Variants in DENND2A observed in about 807,000 individuals in gnomAD.
DENND2A encodes the protein DENN domain containing 2A, also known as DENN domain-containing protein 2A.
In DENND2A, 53 loss-of-function variants were observed where a neutral mutation model predicts 105.3. That is an observed-to-expected ratio of 0.50 (90% CI 0.40 to 0.63). The LOEUF is 0.63. Among genes scored for constraint, DENND2A ranks in the 30% least tolerant of loss-of-function variants. The pLI, the probability that DENND2A is intolerant of heterozygous loss-of-function variation, is 0.00. For missense variants in DENND2A, 1,138 were observed against 1,279.6 expected, an observed-to-expected ratio of 0.89 and a Z score of 1.69; for synonymous variants, 522 against 508.4, an observed-to-expected ratio of 1.03 and a Z score of -0.36.
intron 12 of DENND2A, among the ~76,000 whole-genome samples, chr7:140,550,296 G>A (rs1400452984): frequency 1.3e-5 from 2 of 152,076 alleles, no homozygotes; most frequent in African/African-American, 2.4e-5. Flanking sequence ...AGGTTCAAAC[G>A]ATTCTCCTGC....
chr7:140,612,712 G>A (rs930088872), intron 1 of DENND2A, among the ~76,000 whole-genome samples: 1 of 152,056 alleles, frequency 6.6e-6, no homozygotes, highest in Non-Finnish European at 1.5e-5. Flanking sequence ...ATATTGGCCA[G>A]GCTGGTCTCG....
rs748373537 is a variant in DENND2A, at chr7:140,523,406, T to A, written c.2566A>T (p.Ile856Phe). The A allele has an allele frequency of 6.2e-7, 1 of 1,614,138 alleles. No homozygotes were observed. Among genetic ancestry groups the A allele is most frequent in the Non-Finnish European group, 8.5e-7 (1 of 1,180,010 alleles). The change falls in exon 17 of 20, where the codon ATC becomes TTC. Residue 856 changes from isoleucine to phenylalanine, a missense_variant. By Grantham distance (21) the Ile-to-Phe change is conservative. This residue lies in a region of DENND2A where 627 missense variants were observed against 779.8 expected (regional missense o/e 0.80). Coordinates refer to ENST00000496613, the MANE Select transcript of DENND2A (RefSeq NM_015689.5). This position sits in a 1 kb window ranked among gnomAD's most constrained non-coding sequence, Gnocchi z 4.5. ...FLRQMDDEDS[I>F]LPRKLQVALE... ...GCCACCTGAAGCTTCCGGGGCAGGA[T>A]GGAGTCCTCATCGTCCATCTGGAAA...
chr7:140,568,469 A>G (rs990999275), intron 8 of DENND2A, among the ~76,000 whole-genome samples: 1 of 152,224 alleles, frequency 6.6e-6, no homozygotes, highest in Non-Finnish European at 1.5e-5. Flanking sequence ...TTAGGGCTGC[A>G]GTGTCAAGCC....
intron 9 of DENND2A, among the ~76,000 whole-genome samples, chr7:140,565,059 A>G (rs982966159): frequency 6.6e-6 from 1 of 152,200 alleles, no homozygotes; most frequent in African/African-American, 2.4e-5. Flanking sequence ...TTCAATCTAC[A>G]TAATTGCTAT....
At position 140,639,228 on chromosome 7, in the gene DENND2A, T is replaced by C. The variant is rs185763315; in HGVS notation, c.-248+1276A>G. 6.4e-3 allele frequency among the ~76,000 whole-genome samples: 979 copies of C among 152,034 alleles called. 9 individuals are homozygous for C. The highest frequency in any genetic ancestry group is 0.022 in the African/African-American group (904 of 41,454). On this transcript the variant is annotated intron_variant, in intron 1 of 19. Transcript: ENST00000496613. The stretch of plus-strand genomic sequence containing the variant: ...TTAGCTGGGTGTGGTGGTGGGCGCC[T>C]GTAATCCCAGCTACTCGGGAAGCTG...
chr7:140,553,575 A>C (rs1158269127), intron 12 of DENND2A, among the ~76,000 whole-genome samples: 1 of 152,160 alleles, frequency 6.6e-6, no homozygotes, highest in Non-Finnish European at 1.5e-5. Flanking sequence ...CCAGGAGGCC[A>C]TATTTCAGAC....
intron 3 of DENND2A, among the ~76,000 whole-genome samples, chr7:140,588,981 G>A (rs1433629769): frequency 6.6e-6 from 1 of 152,076 alleles, no homozygotes; most frequent in Non-Finnish European, 1.5e-5. Context: ...GACCCCAGGT[G>A]ATCTGCCTGC....
chr7:140,595,874 C>T (rs1033142971), intron 3 of DENND2A, among the ~76,000 whole-genome samples: 3 of 152,262 alleles, frequency 2.0e-5, no homozygotes, highest in South Asian at 2.1e-4. Flanking sequence ...CCTCCTCCTC[C>T]AGCTGCCAGA....
intron 14 of DENND2A, among the ~76,000 whole-genome samples, chr7:140,528,855 A>G (rs967174415): frequency 6.6e-6 from 1 of 151,992 alleles, no homozygotes; most frequent in African/African-American, 2.4e-5. Context: ...ACAGTGACTG[A>G]TGCCTGTAAT....
At chr7:140,541,536 C>G (rs79124773) in intron 14 of DENND2A, among the ~76,000 whole-genome samples, 5,001 of 152,192 alleles carry the variant, frequency 0.033, 255 homozygotes, top group African/African-American at 0.11. Flanking sequence ...CCACCTCTAG[C>G]GGATGGAGGG....
At chr7:140,612,615 C>T (rs185213725) in intron 1 of DENND2A, among the ~76,000 whole-genome samples, 1 of 152,074 alleles carries the variant, frequency 6.6e-6, no homozygotes, top group Admixed American at 6.5e-5. Context: ...GATTCTCCTG[C>T]CTCAGCCTCC....
chr7:140,602,222 A>C lies in DENND2A; in HGVS notation c.176T>G (p.Val59Gly). ...TCTCCTGCTGGGTGCAGGAGTGGGCACCTCTTTCTTCCCTTCCCATTCTGA... is the reference window on the plus strand; with the variant it reads ...TCTCCTGCTGGGTGCAGGAGTGGGCCCCTCTTTCTTCCCTTCCCATTCTGA... ...KISEWEGKKE[V>G]PTPAPSRRAD... The change falls in exon 3 of 20, where the codon GTG (valine) becomes GGG (glycine). Residue 59 changes from valine (V) to glycine (G), a missense_variant. By Grantham distance (109) the Val-to-Gly change is moderately radical. This residue lies in a region of DENND2A where 511 missense variants were observed against 499.9 expected (regional missense o/e 1.02). Transcript: ENST00000496613. 3 of 1,613,824 alleles carry C rather than the reference A, an allele frequency of 1.9e-6. No homozygotes were observed. Among genetic ancestry groups the C allele is most frequent in the Non-Finnish European group, 2.5e-6 (3 of 1,179,956 alleles).
intron 5 of DENND2A, among the ~76,000 whole-genome samples, chr7:140,576,777 G>A (rs920476342): frequency 6.6e-6 from 1 of 152,144 alleles, no homozygotes; most frequent in African/African-American, 2.4e-5. Flanking sequence ...ACCTGGATTG[G>A]GCACCATAAG....
At chr7:140,570,155 A>G (rs1345156704) in intron 6 of DENND2A, among the ~76,000 whole-genome samples, 1 of 152,270 alleles carries the variant, frequency 6.6e-6, no homozygotes, top group African/African-American at 2.4e-5. Context: ...TTGGCCTCCC[A>G]AAATGCTGGG....
At chr7:140,564,847 G>A (rs1334772863) in intron 9 of DENND2A, among the ~76,000 whole-genome samples, 1 of 152,184 alleles carries the variant, frequency 6.6e-6, no homozygotes, top group East Asian at 1.9e-4. Flanking sequence ...CAGGATAGCA[G>A]GACAGCCCTT....
intron 2 of DENND2A, among the ~76,000 whole-genome samples, chr7:140,603,969 G>A (rs28413042): frequency 0.016 from 2,502 of 152,290 alleles, 61 homozygotes; most frequent in African/African-American, 0.056. Flanking sequence ...GAAGATATTA[G>A]AAATTATTTT....
chr7:140,525,660 C>G, intron 16 of DENND2A, 91 bp downstream of exon 16: 1 of 1,258,842 alleles, frequency 7.9e-7, no homozygotes, highest in South Asian at 1.7e-5. Flanking sequence ...TCTGCAATCC[C>G]AAAGAGCCTT....
At position 140,568,068 on chromosome 7, in the gene DENND2A, G is replaced by A. The variant is rs1233524180; in HGVS notation, c.1591+695C>T. On this transcript the variant is annotated intron_variant, in intron 8 of 19. Coordinates refer to ENST00000496613, the MANE Select transcript of DENND2A (RefSeq NM_015689.5). The stretch of plus-strand genomic sequence containing the variant: ...TGATACTCCTCCCTCAGCCTCCTGA[G>A]TATCTGGGATTACAGGCGCCTGCCA... Among the ~76,000 whole-genome samples the A allele has an allele frequency of 3.9e-5, 6 of 152,246 alleles. No homozygotes were observed. The East Asian group carries it at 1.2e-3, about 29-fold the overall frequency.
intron 1 of DENND2A, among the ~76,000 whole-genome samples, chr7:140,606,509 A>G (rs1391903410): frequency 6.6e-6 from 1 of 152,184 alleles, no homozygotes; most frequent in Non-Finnish European, 1.5e-5. Context: ...CTTTTATTTG[A>G]CACAAGACAT....
Sources: gnomAD v4.1 joint callset for allele counts (sites outside exome capture counted in the v4.1 genomes callset) on GRCh38, gnomAD v4.1.1 for gene constraint, gnomAD v4.1.1 regional missense constraint, Gnocchi (gnomAD v3.1) non-coding constraint, MANE v1.5 for transcripts, NCBI Gene and HGNC (gene_info 2026-07-23, HGNC 2026-07-21) for gene names.